RDH16: variants seen among roughly 807,000 people sequenced by gnomAD.
RDH16 encodes the protein human epidermal retinol dehydrogenase.
In RDH16, 25 loss-of-function variants were observed where a neutral mutation model predicts 22.3. That is an observed-to-expected ratio of 1.12 (90% CI 0.82 to 1.56). The LOEUF (loss-of-function observed/expected upper bound fraction) is 1.56. Among genes scored for constraint, RDH16 ranks in the 40% most tolerant of loss-of-function variants. RDH16 has a pLI of 0.00. For synonymous variants in RDH16, 154 were observed against 164.4 expected (o/e 0.94, Z 0.48); for missense variants, 413 against 394.9 (o/e 1.05, Z -0.39).
In RDH16 at chr12:56,957,553, G is replaced by C; in HGVS notation, c.-91C>G. On this transcript the variant is annotated 5_prime_UTR_variant, in exon 1 of 4. Coordinates refer to ENST00000398138, the MANE Select transcript of RDH16 (RefSeq NM_003708.5). Reference sequence around the variant, plus strand: ...GGAGGATTTAAGAACACAGAGGGCTGTGGTAGGCAGGGAAGCCCTCAGGCA... The same window carrying C: ...GGAGGATTTAAGAACACAGAGGGCTCTGGTAGGCAGGGAAGCCCTCAGGCA... The C allele has an allele frequency of 7.1e-7, 1 of 1,418,166 alleles. No individual in the cohort carries two copies. Among genetic ancestry groups the C allele is most frequent in the Non-Finnish European group, 9.6e-7 (1 of 1,043,992 alleles). 87.8% of individuals were successfully genotyped at this position (1,418,166 alleles called of 1,614,324 possible).
At position 56,957,530 on chromosome 12, in the gene RDH16, A is replaced by T. The variant is rs1464907230; in HGVS notation, c.-68T>A. On this transcript the variant is annotated 5_prime_UTR_variant, in exon 1 of 4. Transcript: ENST00000398138. ...AGAGTCTGGCCTCTGTTCAGACAGGAGGATTTAAGAACACAGAGGGCTGTG... is the reference window on the plus strand; with the variant it reads ...AGAGTCTGGCCTCTGTTCAGACAGGTGGATTTAAGAACACAGAGGGCTGTG... The T allele has an allele frequency of 1.3e-6, 2 of 1,510,780 alleles. No individual in the cohort carries two copies. The highest frequency in any genetic ancestry group is 1.8e-6 in the Non-Finnish European group (2 of 1,116,318). 93.6% of individuals were successfully genotyped at this position (1,510,780 alleles called of 1,614,324 possible).
chr12:56,957,016 G>A, intron 1 of RDH16, 134 bp downstream of exon 1: 2 of 893,454 alleles, frequency 2.2e-6, no homozygotes, highest in Non-Finnish European at 1.7e-6. Flanking sequence ...AGCCTGTTAA[G>A]TGAGAAATAT....
intron 2 of RDH16, 110 bp from the exon 3 acceptor site, chr12:56,953,100 T>C (rs921995811): frequency 5.1e-6 from 5 of 986,262 alleles, no homozygotes; most frequent in Admixed American, 2.5e-5. Context: ...ATGGGTAAAA[T>C]AGAAAGCTTG....
Position 56,951,656 on chromosome 12 carries a change from C to T in RDH16, c.*373G>A, listed in dbSNP as rs1955879604. 1.1e-5 allele frequency: 3 copies of T among 269,730 alleles called. No individual in the cohort carries two copies. The East Asian group carries it at 2.4e-4, about 21-fold the overall frequency. The allele number at this position is 269,730 out of a possible 1,614,324, so 16.7% of individuals were successfully genotyped here. A position where few individuals can be genotyped will look rare whatever the true frequency, so the allele number is the denominator to read the frequency against. On this transcript the variant is annotated 3_prime_UTR_variant, in exon 4 of 4. Coordinates refer to ENST00000398138, the MANE Select transcript of RDH16 (RefSeq NM_003708.5). ...GGTGTAGACTGGCCCAGAATTAACA[C>T]ACAGCCTGATAAGGAAGCAGGAGGT...
rs747418350 is a variant in RDH16 at position 56,957,258 on chromosome 12, G to T, written c.205C>A (p.Leu69Met). ...ACLTEKGAEQ[L>M]RGQTSDRLET... ...AGCCTGTCTGAAGTCTGGCCCCTCA[G>T]CTGCTCGGCTCCTTTCTCCGTCAGA... is the stretch of plus-strand genomic sequence containing the variant. Residue 69 changes from leucine to methionine, a missense_variant, in exon 1 of 4, where the codon CTG becomes ATG. Physicochemically the swap from Leu to Met is conservative, Grantham distance 15. Transcript: ENST00000398138. 4.3e-6 allele frequency: 7 copies of T among 1,614,194 alleles called. No individual in the cohort carries two copies. The South Asian group carries it at 6.6e-5, about 15-fold the overall frequency.
Position 56,952,266 on chromosome 12 carries a change from ATCCATG to A in RDH16, c.737-26_737-21del. The A allele has an allele frequency of 6.2e-7, 1 of 1,608,548 alleles. No homozygotes were observed. The highest frequency in any genetic ancestry group is 8.5e-7 in the Non-Finnish European group (1 of 1,176,170). On this transcript the variant is annotated intron_variant, in intron 3 of 3. Coordinates refer to ENST00000398138, the MANE Select transcript of RDH16 (RefSeq NM_003708.5). ...TCTTATCTGTTAAGAATCAGAAACA[ATCCATG>A]TATATTTCCACCTCTAACCGCTCCT...
chr12:56,953,187 A>G (rs1955899013), intron 2 of RDH16, among the ~76,000 whole-genome samples, 197 bp from the exon 3 acceptor site: 1 of 152,188 alleles, frequency 6.6e-6, no homozygotes, highest in South Asian at 2.1e-4. Flanking sequence ...TCCATATTTT[A>G]CACACCTGAG....
chr12:56,951,950 C>T lies in RDH16; in HGVS notation c.*79G>A, dbSNP rs1272345360. 7.6e-7 allele frequency: 1 copy of T among 1,310,944 alleles called. No homozygotes were observed. Among genetic ancestry groups the T allele is most frequent in the African/African-American group, 1.5e-5 (1 of 68,792 alleles). The allele number at this position is 1,310,944 out of a possible 1,614,324, so 81.2% of individuals were successfully genotyped here. ...TACTGACCGGACGGCTCCCTCCCTC[C>T]ACTTTATATCTCTCCCAAGGATACA... is the stretch of plus-strand genomic sequence containing the variant. On this transcript the variant is annotated 3_prime_UTR_variant, in exon 4 of 4. Coordinates refer to ENST00000398138, the MANE Select transcript of RDH16 (RefSeq NM_003708.5).
intron 1 of RDH16, 125 bp from the exon 2 acceptor site, chr12:56,955,289 TATAACAAACACC>T: frequency 8.7e-7 from 1 of 1,149,140 alleles, no homozygotes; most frequent in East Asian, 2.6e-5. Flanking sequence ...GGGAGGAGGG[TATAACAAACACC>T]ACAGTATCAC....
chr12:56,952,945 AG>A lies in RDH16; in HGVS notation c.617del (p.Pro206LeufsTer8). Reference sequence around the variant, plus strand: ...TGGTCACAGCAGTCTTGAAATAGCCAGGTTCAATCATAGCCACCTTCACCCC... The same window carrying A: ...TGGTCACAGCAGTCTTGAAATAGCCAGTTCAATCATAGCCACCTTCACCCC... ...YFGVKVAMIEPGYFKTAVTSK... is the reference protein window; with the variant it reads ...YFGVKVAMIEXGYFKTAVTSK... On this transcript the variant is annotated frameshift_variant, in exon 3 of 4. Coordinates refer to ENST00000398138, the MANE Select transcript of RDH16 (RefSeq NM_003708.5). LOFTEE classifies it high-confidence loss of function. 6.2e-7 allele frequency: 1 copy of A among 1,614,004 alleles called. No individual in the cohort carries two copies. Among genetic ancestry groups the A allele is most frequent in the Non-Finnish European group, 8.5e-7 (1 of 1,179,956 alleles).
rs1271274125 is a variant in RDH16 at position 56,952,861 on chromosome 12, G to A, written c.702C>T (p.Val234=). 1 of 1,613,864 alleles carries A rather than the reference G, an allele frequency of 6.2e-7. No homozygotes were observed. Among genetic ancestry groups the A allele is most frequent in the Non-Finnish European group, 8.5e-7 (1 of 1,179,914 alleles). The change falls in exon 3 of 4, where the codon GTC becomes GTT. Residue 234 remains valine (V), a synonymous_variant. Transcript: ENST00000398138. ...CAAACTTCTCGCCATAGGCCTCCTT[G>A]ACCTCTGGACTGGACCGGTCCCAAA... ...LEIWDRSSPE[V]KEAYGEKFVA...
rs746171553 is a variant in RDH16, at chr12:56,957,171, T to C, written c.292A>G (p.Lys98Glu). 6.2e-7 allele frequency: 1 copy of C among 1,612,958 alleles called. No individual in the cohort carries two copies. The highest frequency in any genetic ancestry group is 1.1e-5 in the South Asian group (1 of 91,002). ...ESVAAAAQWV[K>E]ECVRDKGLWG... ...TTACCTTTGTCTCTCACGCACTCCT[T>C]CACCCACTGGGCGGCTGCAGCAACG... The change falls in exon 1 of 4, where the codon AAG becomes GAG. Residue 98 changes from lysine to glutamate, a missense_variant. Transcript: ENST00000398138.
At chr12:56,954,584 T>A (rs761952678) in intron 2 of RDH16, among the ~76,000 whole-genome samples, 7 of 152,182 alleles carry the variant, frequency 4.6e-5, no homozygotes, top group Non-Finnish European at 8.8e-5. Context: ...ACTGTGTTCC[T>A]CTTGGTAGGA....
In RDH16 at chr12:56,955,226, A is replaced by C. The variant is rs17119282; in HGVS notation, c.314-62T>G. 5.3e-4 allele frequency: 847 copies of C among 1,590,642 alleles called. 10 individuals carry two copies. The African/African-American group carries it at 7.6e-3, about 14-fold the overall frequency. ...TGTGCCTGTGCAGGTGGACAGAGTT[A>C]GGGTGCAAATCACATCCCAATAAAG... On this transcript the variant is annotated intron_variant, in intron 1 of 3. Transcript: ENST00000398138.
chr12:56,954,929 C>T lies in RDH16; in HGVS notation c.549G>A (p.Val183=). Residue 183 remains valine, a synonymous_variant, in exon 2 of 4, where the codon GTG becomes GTA. Coordinates refer to ENST00000398138, the MANE Select transcript of RDH16 (RefSeq NM_003708.5). ...ACCTGAGGGAGTCAGAGAAGGCTTCCACGCCATACTTGGAGATGCAGTAGC... is the reference window on the plus strand; with the variant it reads ...ACCTGAGGGAGTCAGAGAAGGCTTCTACGCCATACTTGGAGATGCAGTAGC... ...GGGYCISKYG[V]EAFSDSLRRE... is the part of the protein sequence containing the mutation. The T allele has an allele frequency of 6.2e-7, 1 of 1,614,170 alleles. No individual in the cohort carries two copies.
At chr12:56,956,429 T>G (rs898943376) in intron 1 of RDH16, among the ~76,000 whole-genome samples, 2 of 152,192 alleles carry the variant, frequency 1.3e-5, no homozygotes, top group East Asian at 3.8e-4. Flanking sequence ...CCTAATTTTG[T>G]ATAATTGTAA....
chr12:56,951,662 C>G lies in RDH16; in HGVS notation c.*367G>C, dbSNP rs1197420847. On this transcript the variant is annotated 3_prime_UTR_variant, in exon 4 of 4. Transcript: ENST00000398138. The stretch of plus-strand genomic sequence containing the variant: ...GACTGGCCCAGAATTAACACACAGC[C>G]TGATAAGGAAGCAGGAGGTAATGGC... 1 of 274,568 alleles carries G rather than the reference C, an allele frequency of 3.6e-6. No individual in the cohort carries two copies. The highest frequency in any genetic ancestry group is 7.6e-5 in the East Asian group (1 of 13,154). 17.0% of individuals were successfully genotyped at this position (274,568 alleles called of 1,614,324 possible).
chr12:56,952,324 G>C (rs1295157674), intron 3 of RDH16, 78 bp from the exon 4 acceptor site: 7 of 1,386,728 alleles, frequency 5.0e-6, no homozygotes, highest in Non-Finnish European at 6.9e-6. Context: ...AGAGTGGAAA[G>C]GGTCTAAGAA....
At position 56,951,783 on chromosome 12, in the gene RDH16, G is replaced by T. The variant is rs762696819; in HGVS notation, c.*246C>A. On this transcript the variant is annotated 3_prime_UTR_variant, in exon 4 of 4. Transcript: ENST00000398138. ...GGACCCTTGAGTGGCCACCCACGGT[G>T]ACAATGCACCCAGGAGCACTATTTG... 6 of 540,000 alleles carry T rather than the reference G, an allele frequency of 1.1e-5. No individual in the cohort carries two copies. Among genetic ancestry groups the T allele is most frequent in the Non-Finnish European group, 2.0e-5 (6 of 299,792 alleles). 33.5% of individuals were successfully genotyped at this position (540,000 alleles called of 1,614,324 possible). A position where few individuals can be genotyped will look rare whatever the true frequency, so the allele number is the denominator to read the frequency against.
Sources: allele counts gnomAD v4.1 joint callset (sites outside exome capture counted in the v4.1 genomes callset), GRCh38; gene constraint gnomAD v4.1.1; transcripts MANE v1.5; gene names NCBI Gene and HGNC (gene_info 2026-07-23, HGNC 2026-07-21).